Variants in SOX13 observed in about 807,000 individuals in gnomAD.
The protein encoded by SOX13 is transcription factor SOX-13.
In SOX13, 28 loss-of-function variants were observed where a neutral mutation model predicts 71.8. The observed-to-expected ratio is 0.39, with a 90% confidence interval of 0.29 to 0.53. The LOEUF is 0.53. SOX13 is among the 20% of genes least tolerant of loss of function. The probability of loss-of-function intolerance (pLI) is 0.70; values close to 1 mark genes in which losing one functional copy is unlikely to be tolerated. For missense variants in SOX13, 627 were observed against 810.3 expected, an observed-to-expected ratio of 0.77 and a Z score of 2.75; for synonymous variants, 309 against 317.8, an observed-to-expected ratio of 0.97 and a Z score of 0.29.
At chr1:204,111,582 C>T (rs973089394) in intron 1 of SOX13, among the ~76,000 whole-genome samples, 2 of 152,190 alleles carry the variant, frequency 1.3e-5, no homozygotes, top group Admixed American at 6.5e-5. Flanking sequence ...CCAGGTATAC[C>T]AGCTGCTTAA....
intron 7 of SOX13, 60 bp downstream of exon 7, chr1:204,117,767 CG>C (rs2102260343): frequency 9.2e-7 from 1 of 1,084,192 alleles, no homozygotes; most frequent in Admixed American, 2.0e-5. Flanking sequence ...TCAGGGAAAG[CG>C]CCCTGGAGCC....
intron 1 of SOX13, among the ~76,000 whole-genome samples, chr1:204,076,285 C>T (rs1374270479): frequency 6.6e-6 from 1 of 152,182 alleles, no homozygotes; most frequent in African/African-American, 2.4e-5. Context: ...ATTTGTGTCT[C>T]TGGGGCAGGG....
intron 1 of SOX13, among the ~76,000 whole-genome samples, chr1:204,086,587 C>T (rs914609623): frequency 1.3e-5 from 2 of 152,178 alleles, no homozygotes; most frequent in African/African-American, 4.8e-5. Flanking sequence ...AGGCATGAGC[C>T]ACTGCACCTG....
chr1:204,076,421 G>T (rs1444422726), intron 1 of SOX13, among the ~76,000 whole-genome samples: 4 of 152,200 alleles, frequency 2.6e-5, no homozygotes, highest in Non-Finnish European at 5.9e-5. Flanking sequence ...CTGCTGCTGG[G>T]CTCACTTGGG....
rs1173335977 is a variant in SOX13, at chr1:204,081,947, A to C, written c.-2+8236A>C. 4.6e-5 allele frequency among the ~76,000 whole-genome samples: 7 copies of C among 151,974 alleles called. No homozygotes were observed. Among genetic ancestry groups the C allele is most frequent in the African/African-American group, 1.7e-4 (7 of 41,368 alleles). ...CTGTGTGCAGGTACAGCCGTGGCTC[A>C]GAGGCAGGTGGGGTGAGGGCAGTGG... is the stretch of plus-strand genomic sequence containing the variant. On this transcript the variant is annotated intron_variant, in intron 1 of 13. Transcript: ENST00000367204. This position sits in a 1 kb window ranked among gnomAD's most constrained non-coding sequence, Gnocchi z 4.3.
At chr1:204,111,851 C>A (rs548420122) in intron 1 of SOX13, among the ~76,000 whole-genome samples, 1 of 152,050 alleles carries the variant, frequency 6.6e-6, no homozygotes, top group African/African-American at 2.4e-5. Context: ...GGCTATTTCC[C>A]CCCGTGTGAT....
chr1:204,123,873 G>A lies in SOX13; in HGVS notation c.1375+69G>A. 2.6e-6 allele frequency: 4 copies of A among 1,556,200 alleles called. No individual in the cohort carries two copies. Among genetic ancestry groups the A allele is most frequent in the Non-Finnish European group, 3.5e-6 (4 of 1,134,018 alleles). ...GCAGGAGCCAGCTGGGTCTATTCAGGGCTTGCTTGGTGATATTCCATACTG... is the reference window on the plus strand; with the variant it reads ...GCAGGAGCCAGCTGGGTCTATTCAGAGCTTGCTTGGTGATATTCCATACTG... On this transcript the variant is annotated intron_variant, in intron 12 of 13. Coordinates refer to ENST00000367204, the MANE Select transcript of SOX13 (RefSeq NM_005686.3). This position sits in a 1 kb window ranked among gnomAD's most constrained non-coding sequence, Gnocchi z 5.0.
At chr1:204,102,688 T>C (rs1656385157) in intron 1 of SOX13, among the ~76,000 whole-genome samples, 1 of 150,530 alleles carries the variant, frequency 6.6e-6, no homozygotes, top group Non-Finnish European at 1.5e-5. Flanking sequence ...TGTTTGACCA[T>C]GTGGGGGAAG....
At chr1:204,083,507 A>T (rs1479791527) in intron 1 of SOX13, among the ~76,000 whole-genome samples, 1 of 152,168 alleles carries the variant, frequency 6.6e-6, no homozygotes, top group Non-Finnish European at 1.5e-5. Context: ...GCCCTTCGGG[A>T]TCCGTGCTCC....
chr1:204,112,952 C>T lies in SOX13; in HGVS notation c.37C>T (p.Leu13=). 1.9e-6 allele frequency: 3 copies of T among 1,613,742 alleles called. No individual in the cohort carries two copies. The highest frequency in any genetic ancestry group is 1.1e-5 in the South Asian group (1 of 91,066). ...MRSPISAQLA[L]DGVGTMVNCT... is the part of the protein sequence containing the mutation. ...GAGCCCCATCTCTGCCCAGCTGGCC[C>T]TGGATGGCGTTGGCACCATGGTGAA... Residue 13 remains leucine, a synonymous_variant, in exon 2 of 14, where the codon CTG becomes TTG. Coordinates refer to ENST00000367204, the MANE Select transcript of SOX13 (RefSeq NM_005686.3).
At chr1:204,104,368 C>A (rs1459711917) in intron 1 of SOX13, among the ~76,000 whole-genome samples, 1 of 152,218 alleles carries the variant, frequency 6.6e-6, no homozygotes, top group Non-Finnish European at 1.5e-5. Flanking sequence ...AGCTTTGTCC[C>A]AAGCCTGCAG....
chr1:204,083,403 C>T (rs1655949809), intron 1 of SOX13, among the ~76,000 whole-genome samples: 1 of 152,120 alleles, frequency 6.6e-6, no homozygotes, highest in South Asian at 2.1e-4. Context: ...AACCCCTGCC[C>T]CAGGCCCTTC....
chr1:204,089,090 G>T (rs1013320342), intron 1 of SOX13, among the ~76,000 whole-genome samples: 1 of 149,552 alleles, frequency 6.7e-6, no homozygotes, highest in African/African-American at 2.5e-5. Context: ...GTATTAATTT[G>T]TTTTTCAGAT....
At chr1:204,099,402 G>C (rs1177708613) in intron 1 of SOX13, among the ~76,000 whole-genome samples, 1 of 148,942 alleles carries the variant, frequency 6.7e-6, no homozygotes, top group Non-Finnish European at 1.5e-5. Flanking sequence ...AATCATGTTG[G>C]TGTCTCAGTG....
intron 1 of SOX13, among the ~76,000 whole-genome samples, chr1:204,103,817 G>A (rs1179374539): frequency 6.6e-6 from 1 of 152,202 alleles, no homozygotes; most frequent in Non-Finnish European, 1.5e-5. Context: ...ACAGGCTTGG[G>A]TTCTAGAGGC....
intron 1 of SOX13, among the ~76,000 whole-genome samples, chr1:204,105,441 A>G (rs1656450687): frequency 2.3e-5 from 3 of 132,040 alleles, no homozygotes; most frequent in African/African-American, 6.5e-5. Context: ...AGTCTCCCTC[A>G]GTCACCCAGG....
chr1:204,086,883 TG>T (rs1270741372), intron 1 of SOX13, among the ~76,000 whole-genome samples: 3 of 151,838 alleles, frequency 2.0e-5, no homozygotes, highest in Non-Finnish European at 4.4e-5. Context: ...GTCTGGGCCT[TG>T]GTCTCTAGAT....
At chr1:204,112,527 A>ACACACACACACACACACACACACT (rs34093119) in intron 1 of SOX13, among the ~76,000 whole-genome samples, 1 of 147,790 alleles carries the variant, frequency 6.8e-6, no homozygotes, top group Non-Finnish European at 1.5e-5. Context: ...ACACACACAC[A>ACACACACACACACACACACACACT]CTTTCTCTCT....
At chr1:204,115,965 C>A in intron 4 of SOX13, 1 of 244,386 alleles carries the variant, frequency 4.1e-6, no homozygotes, top group East Asian at 1.2e-4. Context: ...CACACCTGGC[C>A]TCTATTAGCT....
Sources: allele counts gnomAD v4.1 joint callset (sites outside exome capture counted in the v4.1 genomes callset), GRCh38; gene constraint gnomAD v4.1.1; non-coding constraint Gnocchi (gnomAD v3.1); transcripts MANE v1.5; gene names NCBI Gene and HGNC (gene_info 2026-07-23, HGNC 2026-07-21).